The following SVEP1 variants were observed in gnomAD, a reference collection of about 807,000 sequenced individuals.
SVEP1 encodes the protein sushi, von Willebrand factor type A, EGF and pentraxin domain containing 1, also known as sushi, von Willebrand factor type A, EGF and pentraxin domain-containing protein 1.
Under a neutral mutation model 367.3 loss-of-function variants are expected in SVEP1, and 164 were observed. That is an observed-to-expected ratio of 0.45 (90% CI 0.39 to 0.51). SVEP1 has a LOEUF of 0.51. Ranked by LOEUF, SVEP1 falls within the 20% of genes least tolerant of loss-of-function variation. SVEP1 has a pLI of 0.00. For missense variants in SVEP1, 4,117 were observed against 4,425.3 expected, an observed-to-expected ratio of 0.93 and a Z score of 1.98; for synonymous variants, 1,666 against 1,611.6, an observed-to-expected ratio of 1.03 and a Z score of -0.81.
chr9:110,401,793 A>C (rs1192036460), intron 39 of SVEP1, among the ~76,000 whole-genome samples: 2 of 151,976 alleles, frequency 1.3e-5, no homozygotes, highest in Non-Finnish European at 1.5e-5. Flanking sequence ...AAAATGGTTA[A>C]TCTGTTGGGT....
At chr9:110,453,418 G>T (rs1226974120) in intron 22 of SVEP1, among the ~76,000 whole-genome samples, 1 of 152,214 alleles carries the variant, frequency 6.6e-6, no homozygotes, top group Non-Finnish European at 1.5e-5. Flanking sequence ...TTGTGAGAAG[G>T]TGCTGGAAGC....
intron 3 of SVEP1, among the ~76,000 whole-genome samples, chr9:110,534,462 T>C (rs1830056483): frequency 6.6e-6 from 1 of 152,208 alleles, no homozygotes; most frequent in African/African-American, 2.4e-5. Flanking sequence ...GTTGTTGTTA[T>C]TATGAATAGC....
At chr9:110,527,206 T>C (rs1293398085) in intron 3 of SVEP1, among the ~76,000 whole-genome samples, 1 of 152,072 alleles carries the variant, frequency 6.6e-6, no homozygotes, top group Admixed American at 6.6e-5. Context: ...GGATATCCTT[T>C]AAAGTGGGAA....
At chr9:110,510,835 A>G (rs1409254575) in intron 5 of SVEP1, among the ~76,000 whole-genome samples, 1 of 152,234 alleles carries the variant, frequency 6.6e-6, no homozygotes, top group Non-Finnish European at 1.5e-5. Context: ...GACTTCACGA[A>G]AATATATTTT....
At chr9:110,517,360 G>C (rs796859539) in intron 3 of SVEP1, among the ~76,000 whole-genome samples, 36 of 152,158 alleles carry the variant, frequency 2.4e-4, no homozygotes, top group African/African-American at 7.9e-4. Flanking sequence ...CAATTTGGGA[G>C]GTCGAGGTGG....
At chr9:110,496,738 G>T in intron 8 of SVEP1, 77 bp downstream of exon 8, 1 of 1,029,742 alleles carries the variant, frequency 9.7e-7, no homozygotes, top group Non-Finnish European at 1.4e-6. Flanking sequence ...GAGCATATTA[G>T]TAAGTCTTCA....
chr9:110,387,506 CTTTCCTTCT>C (rs1446687567), intron 41 of SVEP1, 48 bp from the exon 42 acceptor site: 6 of 1,503,516 alleles, frequency 4.0e-6, no homozygotes, highest in African/African-American at 1.4e-5. Context: ...CCCAATTCCT[CTTTCCTTCT>C]TTTCCTATGA....
At chr9:110,496,734 A>C in intron 8 of SVEP1, 81 bp downstream of exon 8, 9 of 977,684 alleles carry the variant, frequency 9.2e-6, no homozygotes, top group Non-Finnish European at 1.4e-5. Context: ...CCATGAGCAT[A>C]TTAGTAAGTC....
At chr9:110,522,032 C>T (rs561138496) in intron 3 of SVEP1, among the ~76,000 whole-genome samples, 20 of 152,132 alleles carry the variant, frequency 1.3e-4, no homozygotes, top group African/African-American at 3.1e-4. Flanking sequence ...TTTAAACTCA[C>T]GAGTCTCTTG....
In SVEP1 at chr9:110,459,034, A is replaced by G. The variant is rs1340269837; in HGVS notation, c.3402T>C (p.Asn1134=). ...AGGCCAGGCAGAAGGCCTTCCCTGC[A>G]TTAGGTTGGTAATAGTCACGAGGAC... ...HPCPRDYYQP[N]AGKAFCLACP... The change falls in exon 19 of 48, where the codon AAT becomes AAC. Residue 1134 remains asparagine (N), a synonymous_variant. Coordinates refer to ENST00000374469, the MANE Select transcript of SVEP1 (RefSeq NM_153366.4). 1 of 1,613,878 alleles carries G rather than the reference A, an allele frequency of 6.2e-7. No individual in the cohort carries two copies. Among genetic ancestry groups the G allele is most frequent in the Admixed American group, 1.7e-5 (1 of 60,002 alleles).
intron 9 of SVEP1, among the ~76,000 whole-genome samples, chr9:110,487,429 T>C (rs963587167): frequency 5.3e-5 from 8 of 152,224 alleles, no homozygotes; most frequent in African/African-American, 1.9e-4. Context: ...AACATATTTT[T>C]CATGCAAATG....
rs73655337 is a variant in SVEP1 at position 110,389,542 on chromosome 9, C to T, written c.9868G>A (p.Gly3290Arg). Reference sequence around the variant, plus strand: ...AACTCACCTTTGCATATTGCCACCCCTCCACTCCACTGTCTGTTCTCCTGG... The same window carrying T: ...AACTCACCTTTGCATATTGCCACCCTTCCACTCCACTGTCTGTTCTCCTGG... ...VCQENRQWSG[G>R]VAICKETRCE... Residue 3290 changes from glycine to arginine, a missense_variant, in exon 41 of 48, where the codon GGG (glycine) becomes AGG (arginine). Around this residue, in one of 4 missense-constraint regions of SVEP1, gnomAD observed 1,765 missense variants for 1,781.1 expected, o/e 0.99. Transcript: ENST00000374469. 4.0e-3 allele frequency: 6,517 copies of T among 1,613,718 alleles called. 218 individuals carry two copies. In the African/African-American group the frequency reaches 0.074, roughly 18 times the overall value.
intron 8 of SVEP1, among the ~76,000 whole-genome samples, chr9:110,491,488 C>A (rs2118729217): frequency 6.6e-6 from 1 of 151,700 alleles, no homozygotes; most frequent in East Asian, 1.9e-4. Flanking sequence ...TAAATAGAAA[C>A]CTAAATATTT....
chr9:110,447,960 G>GA lies in SVEP1; in HGVS notation c.4104-904dup, dbSNP rs1554715833. Among the ~76,000 whole-genome samples the GA allele has an allele frequency of 5.9e-3, 877 of 149,688 alleles. 8 individuals are homozygous for GA. The highest frequency in any genetic ancestry group is 0.02 in the African/African-American group (822 of 40,768). On this transcript the variant is annotated intron_variant, in intron 24 of 47. Coordinates refer to ENST00000374469, the MANE Select transcript of SVEP1 (RefSeq NM_153366.4). ...ATACTTGAAAATATCATGCTGAGTG[G>GA]AAAAAAAAACCGAATTGCAAAAAGA...
chr9:110,521,019 G>A (rs546121643), intron 3 of SVEP1, among the ~76,000 whole-genome samples: 1 of 152,210 alleles, frequency 6.6e-6, no homozygotes, highest in Admixed American at 6.5e-5. Flanking sequence ...TTCTCTTTTC[G>A]ACTTTATGGA....
intron 14 of SVEP1, among the ~76,000 whole-genome samples, chr9:110,474,978 C>CATAGTATGGTATATATACAGTATAT (rs1257899402): frequency 1.6e-4 from 24 of 150,260 alleles, no homozygotes; most frequent in Admixed American, 6.6e-4. Context: ...ATGTATATAT[C>CATAGTATGGTATATATACAGTATAT]ATAGTATGGT....
At position 110,406,466 on chromosome 9, in the gene SVEP1, G is replaced by A. The variant is rs1283892948; in HGVS notation, c.9134C>T (p.Thr3045Ile). 3 of 1,613,994 alleles carry A rather than the reference G, an allele frequency of 1.9e-6. No homozygotes were observed. The highest frequency in any genetic ancestry group is 2.2e-5 in the East Asian group (1 of 44,878). Residue 3045 changes from threonine to isoleucine, a missense_variant, in exon 38 of 48, where the codon ACC becomes ATC. Thr to Ile is a moderately conservative substitution (Grantham distance 89, BLOSUM62 -1). Transcript: ENST00000374469. Reference protein sequence around the residue: ...GFKLLGLSEITCEADGQWSSG... With the variant: ...GFKLLGLSEIICEADGQWSSG... Reference sequence around the variant, plus strand: ...GCTCCACTGGCCATCGGCTTCACAGGTGATTTCAGAAAGTCCTAGGAGCTT... The same window carrying A: ...GCTCCACTGGCCATCGGCTTCACAGATGATTTCAGAAAGTCCTAGGAGCTT...
intron 17 of SVEP1, among the ~76,000 whole-genome samples, chr9:110,467,430 A>G (rs986754609): frequency 6.6e-6 from 1 of 152,106 alleles, no homozygotes; most frequent in Non-Finnish European, 1.5e-5. Flanking sequence ...GCTGATAGAT[A>G]TAGTTTGGAT....
At chr9:110,487,787 A>G (rs958969250) in intron 9 of SVEP1, among the ~76,000 whole-genome samples, 2 of 152,146 alleles carry the variant, frequency 1.3e-5, no homozygotes, top group African/African-American at 2.4e-5. Flanking sequence ...AAATCTCACA[A>G]TGAGGTAATA....
Sources: gnomAD v4.1 joint callset for allele counts (sites outside exome capture counted in the v4.1 genomes callset) on GRCh38, gnomAD v4.1.1 for gene constraint, gnomAD v4.1.1 regional missense constraint, MANE v1.5 for transcripts, NCBI Gene and HGNC (gene_info 2026-07-23, HGNC 2026-07-21) for gene names.